Variants in NFYC observed in about 807,000 individuals in gnomAD.
NFYC encodes the protein CAAT box DNA-binding protein subunit C.
A neutral mutation model predicts 53.1 loss-of-function variants in NFYC; 25 were observed. That is an observed-to-expected ratio of 0.47 (90% CI 0.34 to 0.66). NFYC has a LOEUF of 0.66. Ranked by LOEUF, NFYC falls within the 30% of genes least tolerant of loss-of-function variation. NFYC has a pLI of 0.01. For synonymous variants in NFYC, 145 were observed against 152.6 expected (o/e 0.95, Z 0.37); for missense variants, 260 against 422.7 (o/e 0.62, Z 3.38).
At chr1:40,769,524 G>GT in intron 9 of NFYC, 109 bp downstream of exon 9, 1 of 868,032 alleles carries the variant, frequency 1.2e-6, no homozygotes, top group Non-Finnish European at 1.9e-6. Flanking sequence ...TCTACTAACA[G>GT]TGAGTGGACA....
At chr1:40,737,904 T>C (rs1003654809) in intron 1 of NFYC, among the ~76,000 whole-genome samples, 3 of 25,670 alleles carry the variant, frequency 1.2e-4, no homozygotes, top group Admixed American at 3.1e-4. Context: ...TCTCTCTCTT[T>C]TTTTTTTTTT....
At chr1:40,715,812 GA>G (rs201814759) in intron 1 of NFYC, among the ~76,000 whole-genome samples, 5 of 150,246 alleles carry the variant, frequency 3.3e-5, no homozygotes, top group South Asian at 2.1e-4. Context: ...AAGAACTAAA[GA>G]AAAAAAAACA....
intron 9 of NFYC, 108 bp downstream of exon 9, chr1:40,769,523 A>G: frequency 1.1e-6 from 1 of 877,370 alleles, no homozygotes; most frequent in South Asian, 1.4e-5. Context: ...CTCTACTAAC[A>G]GTGAGTGGAC....
chr1:40,714,558 A>G (rs1227695457), intron 1 of NFYC, among the ~76,000 whole-genome samples: 1 of 152,238 alleles, frequency 6.6e-6, no homozygotes, highest in African/African-American at 2.4e-5. Context: ...ACTGAAGATT[A>G]TAATAGACAT....
At chr1:40,735,178 T>C (rs1462607723) in intron 1 of NFYC, 2 of 135,910 alleles carry the variant, frequency 1.5e-5, no homozygotes, top group Non-Finnish European at 3.3e-5. Context: ...TGTCTCCTTA[T>C]GTCTTTTTTT....
intron 1 of NFYC, among the ~76,000 whole-genome samples, chr1:40,721,319 A>T (rs186877782): frequency 1.3e-5 from 2 of 152,342 alleles, no homozygotes; most frequent in East Asian, 1.9e-4. Flanking sequence ...TTTCCAGAAC[A>T]TGTTTCCTTC....
intron 1 of NFYC, among the ~76,000 whole-genome samples, chr1:40,733,390 T>G (rs1482102826): frequency 1.3e-5 from 2 of 150,370 alleles, no homozygotes; most frequent in Non-Finnish European, 3.0e-5. Flanking sequence ...GAGGCTGTGG[T>G]AGGAGGATTG....
At position 40,745,613 on chromosome 1, in the gene NFYC, A is replaced by G. The variant is rs148523249; in HGVS notation, c.106-1921A>G. 8.0e-4 allele frequency among the ~76,000 whole-genome samples: 122 copies of G among 152,254 alleles called. 1 individual carries two copies. Among genetic ancestry groups the G allele is most frequent in the African/African-American group, 2.9e-3 (122 of 41,560 alleles). On this transcript the variant is annotated intron_variant, in intron 2 of 9. Transcript: ENST00000447388. The stretch of plus-strand genomic sequence containing the variant: ...CTGTCTTTGTTGTTCTGTCTGAATA[A>G]CATTCTCATACTTTTTCAACAGGCA...
chr1:40,718,260 A>G (rs1045873293), intron 1 of NFYC, among the ~76,000 whole-genome samples: 1 of 152,266 alleles, frequency 6.6e-6, no homozygotes, highest in Non-Finnish European at 1.5e-5. Context: ...TACCTAATGT[A>G]AGTAGGACAG....
At chr1:40,694,307 A>G (rs531046949) in intron 1 of NFYC, among the ~76,000 whole-genome samples, 6 of 152,224 alleles carry the variant, frequency 3.9e-5, no homozygotes, top group Non-Finnish European at 7.3e-5. Context: ...TAAAATTAAG[A>G]CTGGATAGGA....
At chr1:40,753,681 AG>A (rs996726220) in intron 5 of NFYC, among the ~76,000 whole-genome samples, 2 of 152,186 alleles carry the variant, frequency 1.3e-5, no homozygotes, top group African/African-American at 4.8e-5. Flanking sequence ...ATCTTTATAT[AG>A]TACCCTGACT....
In NFYC at chr1:40,733,331, C is replaced by T. The variant is rs541965232; in HGVS notation, c.-8-5505C>T. Among the ~76,000 whole-genome samples the T allele has an allele frequency of 5.9e-5, 9 of 151,398 alleles. No homozygotes were observed. In the East Asian group the frequency reaches 1.6e-3, roughly 27 times the overall value. ...TTCCAGAAAGCAGTAGAGAATACTTCGTGGAGAGATAGTAATTGAGTTGAG... is the reference window on the plus strand; with the variant it reads ...TTCCAGAAAGCAGTAGAGAATACTTTGTGGAGAGATAGTAATTGAGTTGAG... On this transcript the variant is annotated intron_variant, in intron 1 of 9. Coordinates refer to ENST00000447388, the MANE Select transcript of NFYC (RefSeq NM_014223.5).
intron 1 of NFYC, among the ~76,000 whole-genome samples, chr1:40,719,949 CATAAA>C (rs772113935): frequency 1.1e-3 from 164 of 152,238 alleles, no homozygotes; most frequent in Non-Finnish European, 1.4e-3. Context: ...GTGAGAAACA[CATAAA>C]ATAACATGAA....
intron 1 of NFYC, 125 bp downstream of exon 1, chr1:40,691,992 C>T (rs940231922): frequency 5.7e-5 from 16 of 280,676 alleles, no homozygotes; most frequent in Middle Eastern, 4.8e-4. Flanking sequence ...TAGCTCGGTC[C>T]GTCCTGCCCG....
chr1:40,737,221 T>C (rs983491868), intron 1 of NFYC, among the ~76,000 whole-genome samples: 1 of 152,048 alleles, frequency 6.6e-6, no homozygotes, highest in Admixed American at 6.5e-5. Context: ...ACCTGTGTTA[T>C]CTACAGTTAT....
chr1:40,770,583 C>T lies in NFYC; in HGVS notation c.889-126C>T, dbSNP rs750342055. 7 of 1,610,708 alleles carry T rather than the reference C, an allele frequency of 4.3e-6. No individual in the cohort carries two copies. Among genetic ancestry groups the T allele is most frequent in the Non-Finnish European group, 5.1e-6 (6 of 1,178,592 alleles). On this transcript the variant is annotated intron_variant, in intron 9 of 9. Transcript: ENST00000447388. This position sits in a 1 kb window ranked among gnomAD's most constrained non-coding sequence, Gnocchi z 5.3. ...CCAGCAGAGCTCCACTTCCCCTCCT[C>T]CTTCTGACGCCTTGCAGTGGGTGGT... is the stretch of plus-strand genomic sequence containing the variant.
intron 1 of NFYC, among the ~76,000 whole-genome samples, chr1:40,721,294 C>T (rs1275149567): frequency 1.3e-5 from 2 of 152,294 alleles, no homozygotes; most frequent in Middle Eastern, 3.4e-3. Context: ...ATGAGATAGT[C>T]TGAGAAATTC....
At position 40,758,251 on chromosome 1, in the gene NFYC, T is replaced by C; in HGVS notation, c.518T>C (p.Ile173Thr). The part of the protein sequence containing the change: ...GQQTTSSTTT[I>T]QPGQIIIAQP... Reference sequence around the variant, plus strand: ...CAGACCACCAGCTCCACGACCACCATCCAGCCTGGGCAGATCATCATCGCA... The same window carrying C: ...CAGACCACCAGCTCCACGACCACCACCCAGCCTGGGCAGATCATCATCGCA... Residue 173 changes from isoleucine (I) to threonine (T), a missense_variant, in exon 6 of 10, where the codon ATC becomes ACC. Coordinates refer to ENST00000447388, the MANE Select transcript of NFYC (RefSeq NM_014223.5). 6.2e-7 allele frequency: 1 copy of C among 1,613,602 alleles called. No individual in the cohort carries two copies. The highest frequency in any genetic ancestry group is 8.5e-7 in the Non-Finnish European group (1 of 1,179,982).
chr1:40,708,064 T>A (rs1052179647), intron 1 of NFYC, among the ~76,000 whole-genome samples: 5 of 152,242 alleles, frequency 3.3e-5, no homozygotes, highest in African/African-American at 1.2e-4. Context: ...ACTTTTTTTC[T>A]TGTCATTATT....
Sources: gnomAD v4.1 joint callset for allele counts (sites outside exome capture counted in the v4.1 genomes callset) on GRCh38, gnomAD v4.1.1 for gene constraint, Gnocchi (gnomAD v3.1) non-coding constraint, MANE v1.5 for transcripts, NCBI Gene and HGNC (gene_info 2026-07-23, HGNC 2026-07-21) for gene names.